The following MACROD2 variants were observed in gnomAD, a reference collection of about 807,000 sequenced individuals.
The protein encoded by MACROD2 is mono-ADP ribosylhydrolase 2.
Under a neutral mutation model 70.4 loss-of-function variants are expected in MACROD2, and 36 were observed. That is an observed-to-expected ratio of 0.51 (90% CI 0.39 to 0.68). MACROD2 has a LOEUF of 0.68. Ranked by LOEUF, MACROD2 falls within the 30% of genes least tolerant of loss-of-function variation. The probability of loss-of-function intolerance (pLI) is 0.00; values close to 1 mark genes in which losing one functional copy is unlikely to be tolerated. For missense variants in MACROD2, 496 were observed against 538.4 expected (o/e 0.92, Z 0.78); for synonymous variants, 172 against 178.8 (o/e 0.96, Z 0.30).
chr20:15,969,692 G>A (rs1452612816), intron 13 of MACROD2, among the ~76,000 whole-genome samples: 2 of 152,022 alleles, frequency 1.3e-5, no homozygotes, highest in East Asian at 3.9e-4. Flanking sequence ...AAGAGGAAAA[G>A]ATATTAAGGA....
At chr20:15,092,755 A>G (rs1449204411) in intron 5 of MACROD2, among the ~76,000 whole-genome samples, 1 of 152,168 alleles carries the variant, frequency 6.6e-6, no homozygotes, top group African/African-American at 2.4e-5. Flanking sequence ...AAATCTGTTT[A>G]TTCCACAGGT....
chr20:14,380,966 T>C (rs1006888751), intron 3 of MACROD2, among the ~76,000 whole-genome samples: 4 of 152,192 alleles, frequency 2.6e-5, no homozygotes, highest in African/African-American at 9.6e-5. Flanking sequence ...TATTTTCTCT[T>C]TTATTTTGTA....
At position 15,657,935 on chromosome 20, in the gene MACROD2, G is replaced by A. The variant is rs145852413; in HGVS notation, c.645+158088G>A. Among the ~76,000 whole-genome samples the A allele has an allele frequency of 2.3e-4, 35 of 152,274 alleles. No homozygotes were observed. The East Asian group carries it at 5.8e-3, about 25-fold the overall frequency. On this transcript the variant is annotated intron_variant, in intron 8 of 17. Coordinates refer to ENST00000684519, the MANE Select transcript of MACROD2 (RefSeq NM_001351661.2). Reference sequence around the variant, plus strand: ...TTGAACCCAGGAGGCAGATGTTACCGTGAGCCGAGACTGAGCCATTGCACT... The same window carrying A: ...TTGAACCCAGGAGGCAGATGTTACCATGAGCCGAGACTGAGCCATTGCACT...
intron 8 of MACROD2, among the ~76,000 whole-genome samples, chr20:15,709,613 G>A (rs867350277): frequency 1.3e-5 from 2 of 152,180 alleles, no homozygotes; most frequent in African/African-American, 2.4e-5. Flanking sequence ...GCTGCAGTGA[G>A]CTATAATTGC....
chr20:14,211,289 C>T lies in MACROD2; in HGVS notation c.271+125561C>T, dbSNP rs1449546892. Among the ~76,000 whole-genome samples, 6 of 152,036 alleles carry T rather than the reference C, an allele frequency of 3.9e-5. No individual in the cohort carries two copies. The East Asian group carries it at 1.2e-3, about 29-fold the overall frequency. ...TTATTTCACCTTTGTAAGCCTTTGT[C>T]ATCTTTAAAATAGAGATAATAACTA... On this transcript the variant is annotated intron_variant, in intron 3 of 17. Coordinates refer to ENST00000684519, the MANE Select transcript of MACROD2 (RefSeq NM_001351661.2).
At chr20:15,336,845 A>G (rs951433955) in intron 6 of MACROD2, among the ~76,000 whole-genome samples, 2 of 151,208 alleles carry the variant, frequency 1.3e-5, no homozygotes, top group Non-Finnish European at 3.0e-5. Context: ...ATTTCCCAAG[A>G]TATTGCATGT....
chr20:14,772,692 G>C (rs1329340188), intron 5 of MACROD2, among the ~76,000 whole-genome samples: 1 of 151,894 alleles, frequency 6.6e-6, no homozygotes, highest in Non-Finnish European at 1.5e-5. Context: ...GTACACAAAA[G>C]GTGTTGCTAA....
chr20:14,379,331 T>C (rs2083400913), intron 3 of MACROD2, among the ~76,000 whole-genome samples: 1 of 152,204 alleles, frequency 6.6e-6, no homozygotes, highest in Non-Finnish European at 1.5e-5. Flanking sequence ...ATGACTTTTT[T>C]GTTGACATAA....
intron 5 of MACROD2, among the ~76,000 whole-genome samples, chr20:14,829,463 G>A (rs1259998657): frequency 3.3e-5 from 5 of 151,962 alleles, no homozygotes; most frequent in Non-Finnish European, 7.4e-5. Context: ...CTCCAGGATA[G>A]GGTTTCATCT....
intron 15 of MACROD2, among the ~76,000 whole-genome samples, chr20:16,038,522 T>G (rs1359202289): frequency 7.4e-6 from 1 of 135,668 alleles, no homozygotes; most frequent in African/African-American, 2.8e-5. Context: ...TCTTAACTTG[T>G]TTTTGTGGGG....
At chr20:14,142,251 A>T (rs915004213) in intron 3 of MACROD2, among the ~76,000 whole-genome samples, 1 of 152,192 alleles carries the variant, frequency 6.6e-6, no homozygotes. Context: ...TTCAGTGGCT[A>T]TCAGGTCAGC....
chr20:14,067,760 T>C (rs115219721), intron 2 of MACROD2, among the ~76,000 whole-genome samples: 2,589 of 152,288 alleles, frequency 0.017, 76 homozygotes, highest in African/African-American at 0.058. Flanking sequence ...GAGTGAAGTG[T>C]GTCCTTATTT....
intron 5 of MACROD2, among the ~76,000 whole-genome samples, chr20:15,081,959 T>G (rs1036787951): frequency 3.3e-5 from 5 of 152,186 alleles, no homozygotes; most frequent in African/African-American, 4.8e-5. Flanking sequence ...TGGGACATAG[T>G]CCAGGAGGTA....
chr20:15,347,507 A>G (rs200611243), intron 6 of MACROD2, among the ~76,000 whole-genome samples: 9 of 152,184 alleles, frequency 5.9e-5, no homozygotes, highest in African/African-American at 2.2e-4. Context: ...AATGTAAATC[A>G]AACCACTTGT....
intron 3 of MACROD2, among the ~76,000 whole-genome samples, chr20:14,346,680 T>C (rs541353825): frequency 2.0e-5 from 3 of 152,340 alleles, no homozygotes; most frequent in East Asian, 3.9e-4. Flanking sequence ...TGGGTGGTGA[T>C]GTCTAAGTAA....
At chr20:15,150,048 TG>T (rs35380025) in intron 5 of MACROD2, among the ~76,000 whole-genome samples, 30,287 of 151,918 alleles carry the variant, frequency 0.2, 4,158 homozygotes, top group Non-Finnish European at 0.3. Flanking sequence ...GTTGTTGTTT[TG>T]TAGAAGGTGC....
chr20:15,309,022 G>A (rs979400218), intron 6 of MACROD2, among the ~76,000 whole-genome samples: 15 of 152,068 alleles, frequency 9.9e-5, no homozygotes, highest in Non-Finnish European at 2.1e-4. Context: ...CCTATACAAA[G>A]CAATGTGGTA....
chr20:15,424,584 G>T (rs1024098814), intron 6 of MACROD2, among the ~76,000 whole-genome samples: 12 of 152,188 alleles, frequency 7.9e-5, no homozygotes, highest in Non-Finnish European at 1.5e-5. Flanking sequence ...GCCAGATGTG[G>T]TGATGAATGC....
intron 8 of MACROD2, among the ~76,000 whole-genome samples, chr20:15,761,076 C>T (rs2051428979): frequency 1.3e-5 from 2 of 152,198 alleles, no homozygotes; most frequent in Admixed American, 1.3e-4. Flanking sequence ...GACGGAGTCT[C>T]ACTCTACTGT....
Sources: allele counts gnomAD v4.1 joint callset (sites outside exome capture counted in the v4.1 genomes callset), GRCh38; gene constraint gnomAD v4.1.1; transcripts MANE v1.5; gene names NCBI Gene and HGNC (gene_info 2026-07-23, HGNC 2026-07-21).